The following DKK2 variants were observed in gnomAD, a reference collection of about 807,000 sequenced individuals.
DKK2 encodes dickkopf-related protein 2.
Under a neutral mutation model 28.1 loss-of-function variants are expected in DKK2, and 11 were observed. The ratio of observed to expected loss-of-function variants is 0.39; its 90% confidence interval spans 0.25 to 0.65. DKK2 has a LOEUF of 0.65. Among genes scored for constraint, DKK2 ranks in the 30% least tolerant of loss-of-function variants. The probability of loss-of-function intolerance (pLI) is 0.47; values close to 1 mark genes in which losing one functional copy is unlikely to be tolerated. For synonymous variants in DKK2, 135 were observed against 126.5 expected (o/e 1.07, Z -0.45); for missense variants, 326 against 335.5 (o/e 0.97, Z 0.22).
chr4:106,967,307 C>A (rs1413569900), intron 1 of DKK2, among the ~76,000 whole-genome samples: 1 of 152,210 alleles, frequency 6.6e-6, no homozygotes, highest in African/African-American at 2.4e-5. Flanking sequence ...AGTGGAAGAA[C>A]CTGGTCTAGA....
rs1365141103 is a variant in DKK2 at position 106,955,556 on chromosome 4, A to G, written c.223-29607T>C. Among the ~76,000 whole-genome samples, 8 of 152,140 alleles carry G rather than the reference A, an allele frequency of 5.3e-5. No homozygotes were observed. The East Asian group carries it at 1.5e-3, about 29-fold the overall frequency. On this transcript the variant is annotated intron_variant, in intron 1 of 3. Coordinates refer to ENST00000285311, the MANE Select transcript of DKK2 (RefSeq NM_014421.3). ...CACCACAGTCTCCCTTTTCACACCC[A>G]TGAATTCACCACAGTCTCCCTTTTC...
At chr4:106,945,904 C>A (rs1724769249) in intron 1 of DKK2, among the ~76,000 whole-genome samples, 2 of 152,076 alleles carry the variant, frequency 1.3e-5, no homozygotes, top group African/African-American at 2.4e-5. Context: ...ATAACCACAG[C>A]CAGCCATGGA....
intron 1 of DKK2, among the ~76,000 whole-genome samples, chr4:106,934,060 C>CAT (rs764302788): frequency 7.8e-5 from 10 of 128,102 alleles, no homozygotes; most frequent in Admixed American, 1.5e-4. Flanking sequence ...CACACAGATA[C>CAT]ACACACACAC....
chr4:106,940,608 G>C (rs1298721918), intron 1 of DKK2, among the ~76,000 whole-genome samples: 1 of 150,378 alleles, frequency 6.6e-6, no homozygotes, highest in Non-Finnish European at 1.5e-5. Context: ...CCCATTACTG[G>C]GTATATACCC....
At chr4:107,002,907 T>C (rs1446048084) in intron 1 of DKK2, among the ~76,000 whole-genome samples, 1 of 152,206 alleles carries the variant, frequency 6.6e-6, no homozygotes, top group African/African-American at 2.4e-5. Context: ...CTTAGCATTG[T>C]TGTGGTGATT....
chr4:106,996,771 C>A (rs1723277810), intron 1 of DKK2, among the ~76,000 whole-genome samples: 1 of 152,192 alleles, frequency 6.6e-6, no homozygotes, highest in Non-Finnish European at 1.5e-5. Flanking sequence ...GTCTGCCTGA[C>A]ACCTACTTTA....
At chr4:106,934,070 C>T (rs984593654) in intron 1 of DKK2, among the ~76,000 whole-genome samples, 2 of 151,438 alleles carry the variant, frequency 1.3e-5, no homozygotes, top group Non-Finnish European at 2.9e-5. Context: ...CACACACACA[C>T]ACACACACAC....
In DKK2 at chr4:106,923,111, G is replaced by A. The variant is rs1025174146; in HGVS notation, c.*843C>T. 1.3e-5 allele frequency: 2 copies of A among 152,062 alleles called. No homozygotes were observed. Among genetic ancestry groups the A allele is most frequent in the African/African-American group, 4.8e-5 (2 of 41,404 alleles). 9.4% of individuals were successfully genotyped at this position (152,062 alleles called of 1,614,324 possible). On this transcript the variant is annotated 3_prime_UTR_variant, in exon 4 of 4. Coordinates refer to ENST00000285311, the MANE Select transcript of DKK2 (RefSeq NM_014421.3). Reference sequence around the variant, plus strand: ...TCTGTGAAAATTCTGCTCTGTGTAAGTATTTTACTAGTCACAATTTATGGG... The same window carrying A: ...TCTGTGAAAATTCTGCTCTGTGTAAATATTTTACTAGTCACAATTTATGGG...
chr4:106,995,988 C>A (rs746537094), intron 1 of DKK2, among the ~76,000 whole-genome samples: 3 of 152,148 alleles, frequency 2.0e-5, no homozygotes, highest in African/African-American at 2.4e-5. Context: ...TTTTACTCAA[C>A]CAGCTATTTG....
At chr4:106,994,012 A>G (rs1366342668) in intron 1 of DKK2, among the ~76,000 whole-genome samples, 1 of 152,196 alleles carries the variant, frequency 6.6e-6, no homozygotes, top group Admixed American at 6.5e-5. Flanking sequence ...AGAGGGAAAA[A>G]GCCTGCGGCA....
intron 1 of DKK2, among the ~76,000 whole-genome samples, chr4:107,035,153 G>A (rs1001725988): frequency 9.2e-5 from 14 of 152,116 alleles, no homozygotes; most frequent in Non-Finnish European, 1.9e-4. Context: ...AGGCGAGACA[G>A]AATCCTAACC....
rs1724385317 is a variant in DKK2 at position 106,923,939 on chromosome 4, G to C, written c.*15C>G. On this transcript the variant is annotated 3_prime_UTR_variant, in exon 4 of 4. Transcript: ENST00000285311. ...AACTTCACAGTCTGCAATTGATGAT[G>C]TTCCTCAATGGTGATCAAATTTTCT... 6.2e-7 allele frequency: 1 copy of C among 1,609,330 alleles called. No individual in the cohort carries two copies.
At chr4:107,008,482 T>C (rs1723469254) in intron 1 of DKK2, among the ~76,000 whole-genome samples, 1 of 151,988 alleles carries the variant, frequency 6.6e-6, no homozygotes, top group African/African-American at 2.4e-5. Flanking sequence ...TTTTAGACTA[T>C]AAGATGAGTA....
chr4:106,996,690 G>T (rs1252794046), intron 1 of DKK2, among the ~76,000 whole-genome samples: 1 of 152,118 alleles, frequency 6.6e-6, no homozygotes, highest in African/African-American at 2.4e-5. Context: ...CACAAAATTG[G>T]CTTCCTCTTT....
At chr4:106,981,063 G>A (rs1032839236) in intron 1 of DKK2, among the ~76,000 whole-genome samples, 7 of 152,000 alleles carry the variant, frequency 4.6e-5, no homozygotes, top group African/African-American at 1.4e-4. Context: ...TGATAATTTT[G>A]CCCACGTGTC....
intron 1 of DKK2, among the ~76,000 whole-genome samples, chr4:107,008,331 A>C (rs932011437): frequency 1.3e-5 from 2 of 152,120 alleles, no homozygotes; most frequent in East Asian, 1.9e-4. Context: ...TGGAAATGGG[A>C]AGTGAGCAGT....
At chr4:107,021,063 T>C (rs536997821) in intron 1 of DKK2, among the ~76,000 whole-genome samples, 79 of 152,244 alleles carry the variant, frequency 5.2e-4, no homozygotes, top group African/African-American at 1.8e-3. Context: ...ATTTTAAGAC[T>C]TTCTAAACCC....
intron 1 of DKK2, among the ~76,000 whole-genome samples, chr4:107,019,962 G>C (rs1211446439): frequency 2.0e-5 from 3 of 151,898 alleles, no homozygotes; most frequent in Non-Finnish European, 4.4e-5. Flanking sequence ...CCCACCATTA[G>C]AGCATATTCT....
At chr4:106,926,050 A>G (rs1208861397) in intron 1 of DKK2, 101 bp from the exon 2 acceptor site, 2 of 1,297,902 alleles carry the variant, frequency 1.5e-6, no homozygotes, top group African/African-American at 3.0e-5. Flanking sequence ...ATCACAATAT[A>G]TCTCACCCGG....
Sources: allele counts gnomAD v4.1 joint callset (sites outside exome capture counted in the v4.1 genomes callset), GRCh38; gene constraint gnomAD v4.1.1; transcripts MANE v1.5; gene names NCBI Gene and HGNC (gene_info 2026-07-23, HGNC 2026-07-21).